Variants in EIPR1 observed in about 807,000 individuals in gnomAD.
EIPR1 encodes the protein EARP complex and GARP complex interacting protein 1.
Under a neutral mutation model 48.1 loss-of-function variants are expected in EIPR1, and 25 were observed. The observed-to-expected ratio is 0.52, with a 90% CI of 0.38 to 0.73. The LOEUF is 0.73. Among genes scored for constraint, EIPR1 ranks in the 30% least tolerant of loss-of-function variants. The probability of loss-of-function intolerance (pLI) is 0.00; values close to 1 mark genes in which losing one functional copy is unlikely to be tolerated. For missense variants in EIPR1, 415 were observed against 506.2 expected (o/e 0.82, Z 1.73); for synonymous variants, 204 against 201.9 (o/e 1.01, Z -0.09).
chr2:3,369,616 C>T (rs1175412203), intron 1 of EIPR1, among the ~76,000 whole-genome samples: 3 of 152,228 alleles, frequency 2.0e-5, no homozygotes, highest in East Asian at 3.8e-4. Context: ...CCTATGCCCA[C>T]GGAGTCTCGC....
intron 3 of EIPR1, among the ~76,000 whole-genome samples, chr2:3,305,210 C>G (rs1668899090): frequency 1.4e-5 from 2 of 144,496 alleles, no homozygotes; most frequent in South Asian, 4.6e-4. Context: ...CCACTCCCGT[C>G]CTGTTCAGCC....
intron 3 of EIPR1, among the ~76,000 whole-genome samples, chr2:3,260,695 T>A (rs924136156): frequency 3.9e-5 from 6 of 152,194 alleles, no homozygotes; most frequent in Non-Finnish European, 5.9e-5. Flanking sequence ...CCAATTTTTT[T>A]AAATGTACCT....
intron 8 of EIPR1, among the ~76,000 whole-genome samples, chr2:3,190,886 G>C (rs1664583421): frequency 6.6e-6 from 1 of 152,208 alleles, no homozygotes; most frequent in African/African-American, 2.4e-5. Flanking sequence ...CAGATCACTT[G>C]AGCTCAGGAG....
At chr2:3,253,038 A>G (rs1667049502) in intron 4 of EIPR1, among the ~76,000 whole-genome samples, 1 of 152,152 alleles carries the variant, frequency 6.6e-6, no homozygotes, top group Non-Finnish European at 1.5e-5. Context: ...TGGCATCAAC[A>G]TCGACACAGG....
intron 5 of EIPR1, among the ~76,000 whole-genome samples, chr2:3,213,842 TATTA>T (rs1463789124): frequency 6.6e-6 from 1 of 152,230 alleles, no homozygotes; most frequent in Non-Finnish European, 1.5e-5. Context: ...AGGTCCCATT[TATTA>T]ATTTTTTTAT....
At chr2:3,337,237 T>C (rs35943232) in intron 3 of EIPR1, among the ~76,000 whole-genome samples, 10,025 of 152,142 alleles carry the variant, frequency 0.066, 348 homozygotes, top group African/African-American at 0.076. Flanking sequence ...ATATGAGCCA[T>C]GCAATCCCTA....
In EIPR1 at chr2:3,238,744, T is replaced by C. The variant is rs146298375; in HGVS notation, c.416+18555A>G. Among the ~76,000 whole-genome samples, 238 of 152,250 alleles carry C rather than the reference T, an allele frequency of 1.6e-3. 8 individuals are homozygous for C. The East Asian group carries it at 0.04, about 26-fold the overall frequency. ...TCTTGCAGTCTCTGAATTACATGAGTGTGAAGAGAAAGGAGCTTGCTTTCC... is the reference window on the plus strand; with the variant it reads ...TCTTGCAGTCTCTGAATTACATGAGCGTGAAGAGAAAGGAGCTTGCTTTCC... On this transcript the variant is annotated intron_variant, in intron 4 of 8. Transcript: ENST00000382125.
At chr2:3,373,913 A>G (rs1572496174) in intron 1 of EIPR1, among the ~76,000 whole-genome samples, 2 of 151,872 alleles carry the variant, frequency 1.3e-5, no homozygotes, top group South Asian at 2.1e-4. Context: ...AAGAGCCCTC[A>G]TCGCCAAGTC....
At chr2:3,300,864 C>T (rs1314030117) in intron 3 of EIPR1, 3 of 152,082 alleles carry the variant, frequency 2.0e-5, no homozygotes, top group Non-Finnish European at 4.4e-5. Flanking sequence ...CTGTGAACTC[C>T]GGACAGTGCC....
intron 3 of EIPR1, among the ~76,000 whole-genome samples, chr2:3,321,160 C>G (rs1669516789): frequency 2.0e-5 from 3 of 152,128 alleles, no homozygotes; most frequent in African/African-American, 7.2e-5. Context: ...ACGACAGCTC[C>G]CTGGAGATCA....
At chr2:3,313,553 C>T (rs776350109) in intron 3 of EIPR1, among the ~76,000 whole-genome samples, 17 of 152,128 alleles carry the variant, frequency 1.1e-4, no homozygotes, top group Non-Finnish European at 2.2e-4. Context: ...TGGACATAAA[C>T]GGGCTTCGAG....
chr2:3,290,476 G>GAA (rs1668333113), intron 3 of EIPR1, among the ~76,000 whole-genome samples: 1 of 152,222 alleles, frequency 6.6e-6, no homozygotes, highest in South Asian at 2.1e-4. Context: ...ATAATCAAGA[G>GAA]AAAAATCTTC....
At chr2:3,287,073 C>T (rs977982841) in intron 3 of EIPR1, among the ~76,000 whole-genome samples, 1 of 152,074 alleles carries the variant, frequency 6.6e-6, no homozygotes, top group African/African-American at 2.4e-5. Context: ...GAGTACCAGC[C>T]GGCAGAGGGG....
chr2:3,372,873 C>G (rs945852979), intron 1 of EIPR1, among the ~76,000 whole-genome samples: 43 of 152,248 alleles, frequency 2.8e-4, no homozygotes, highest in African/African-American at 9.2e-4. Flanking sequence ...CTCCCTAACT[C>G]ATTTTATTAG....
chr2:3,363,370 A>C (rs1217630341), intron 1 of EIPR1, among the ~76,000 whole-genome samples: 1 of 152,190 alleles, frequency 6.6e-6, no homozygotes, highest in African/African-American at 2.4e-5. Context: ...CATAAAACTT[A>C]ATGAAGGAAT....
chr2:3,218,995 G>C (rs1169469008), intron 4 of EIPR1, among the ~76,000 whole-genome samples: 1 of 149,598 alleles, frequency 6.7e-6, no homozygotes, highest in African/African-American at 2.5e-5. Flanking sequence ...TTCACAGTGA[G>C]TCAGGTGCAC....
chr2:3,354,609 C>T lies in EIPR1; in HGVS notation c.67G>A (p.Ala23Thr). 2 of 1,613,996 alleles carry T rather than the reference C, an allele frequency of 1.2e-6. No homozygotes were observed. The highest frequency in any genetic ancestry group is 1.3e-5 in the African/African-American group (1 of 75,026). The change falls in exon 2 of 9, where the codon GCA (alanine) becomes ACA (threonine). Residue 23 changes from alanine to threonine, a missense_variant. Coordinates refer to ENST00000382125, the MANE Select transcript of EIPR1 (RefSeq NM_003310.5). ...FQARALTPQT[A>T]ETDAIRFLVG... ...AAAAACCGAATGGCATCTGTTTCTG[C>T]AGTTTGAGGTGTTAAGGCACGTGCC...
intron 4 of EIPR1, among the ~76,000 whole-genome samples, chr2:3,241,925 C>T (rs1367410136): frequency 6.6e-6 from 1 of 152,130 alleles, no homozygotes; most frequent in Non-Finnish European, 1.5e-5. Flanking sequence ...GACTCTGGCA[C>T]GTGGGGTGGG....
intron 8 of EIPR1, 130 bp downstream of exon 8, chr2:3,192,284 A>T: frequency 9.0e-7 from 1 of 1,108,490 alleles, no homozygotes; most frequent in Non-Finnish European, 1.2e-6. Flanking sequence ...CCACAGCTGC[A>T]GTGGGTAAGG....
Sources: gnomAD v4.1 joint callset for allele counts (sites outside exome capture counted in the v4.1 genomes callset) on GRCh38, gnomAD v4.1.1 for gene constraint, MANE v1.5 for transcripts, NCBI Gene and HGNC (gene_info 2026-07-23, HGNC 2026-07-21) for gene names.